WDR73: variants seen among roughly 807,000 people sequenced by gnomAD.
WDR73 encodes integrator complex assembly factor WDR73.
A neutral mutation model predicts 38.2 loss-of-function variants in WDR73; 30 were observed. The observed-to-expected ratio is 0.79, with a 90% CI of 0.59 to 1.06. The LOEUF is 1.06. WDR73 is among the 50% of genes least tolerant of loss of function. WDR73 has a pLI of 0.00. For missense variants in WDR73, 487 were observed against 467.0 expected, an observed-to-expected ratio of 1.04 and a Z score of -0.40; for synonymous variants, 197 against 176.0, an observed-to-expected ratio of 1.12 and a Z score of -0.94.
chr15:84,644,985 C>T (rs191779204), intron 7 of WDR73: 18 of 153,910 alleles, frequency 1.2e-4, no homozygotes, highest in Middle Eastern at 3.5e-3. Context: ...CAGTCTCGCT[C>T]TGTTGCCCAG....
Position 84,639,409 on chromosome 15 carries a change from TAAAA to T in WDR73, c.*4057_*4060del, listed in dbSNP as rs974079582. The T allele has an allele frequency of 6.9e-6, 1 of 145,926 alleles. No homozygotes were observed. Among genetic ancestry groups the T allele is most frequent in the African/African-American group, 2.5e-5 (1 of 39,906 alleles). 9.0% of individuals were successfully genotyped at this position (145,926 alleles called of 1,614,324 possible). The stretch of plus-strand genomic sequence containing the variant: ...GCTTTCCCAAGAATCCCCCCAGAAT[TAAAA>T]AAAAAAAATTACTATCTCCTCTCCC... On this transcript the variant is annotated 3_prime_UTR_variant, in exon 8 of 8. Coordinates refer to ENST00000434634, the MANE Select transcript of WDR73 (RefSeq NM_032856.5).
intron 3 of WDR73, among the ~76,000 whole-genome samples, chr15:84,651,218 C>T (rs891256213): frequency 6.6e-6 from 1 of 151,948 alleles, no homozygotes; most frequent in Non-Finnish European, 1.5e-5. Context: ...TGAAGCCAAG[C>T]GTTCGAGACC....
In WDR73 at chr15:84,642,990, C is replaced by G. The variant is rs932035380; in HGVS notation, c.*480G>C. The G allele has an allele frequency of 6.3e-6, 1 of 159,738 alleles. No homozygotes were observed. Among genetic ancestry groups the G allele is most frequent in the South Asian group, 1.7e-4 (1 of 5,720 alleles). 9.9% of individuals were successfully genotyped at this position (159,738 alleles called of 1,614,324 possible). A position where few individuals can be genotyped will look rare whatever the true frequency, so the allele number is the denominator to read the frequency against. On this transcript the variant is annotated 3_prime_UTR_variant, in exon 8 of 8. Coordinates refer to ENST00000434634, the MANE Select transcript of WDR73 (RefSeq NM_032856.5). ...TCTTGAACCTAGTCACCTGGGGGGACAAGTGTGGGAAAGTGCACCTGTGTT... is the reference window on the plus strand; with the variant it reads ...TCTTGAACCTAGTCACCTGGGGGGAGAAGTGTGGGAAAGTGCACCTGTGTT...
At chr15:84,654,068 T>C (rs1896712642) in intron 1 of WDR73, 166 bp downstream of exon 1, 4 of 890,354 alleles carry the variant, frequency 4.5e-6, no homozygotes, top group African/African-American at 1.7e-5. Context: ...AGCCATTTCC[T>C]AGAGATGGGG....
intron 3 of WDR73, among the ~76,000 whole-genome samples, chr15:84,650,505 C>T (rs750646166): frequency 4.6e-5 from 7 of 152,150 alleles, no homozygotes; most frequent in Non-Finnish European, 7.4e-5. Flanking sequence ...GTACTACAGG[C>T]GCATGCCACC....
At position 84,648,694 on chromosome 15, in the gene WDR73, A is replaced by C. The variant is rs973930265; in HGVS notation, c.199-69T>G. The C allele has an allele frequency of 7.1e-6, 9 of 1,262,002 alleles. No individual in the cohort carries two copies. In the African/African-American group the frequency reaches 7.3e-5, roughly 10 times the overall value. 78.2% of individuals were successfully genotyped at this position (1,262,002 alleles called of 1,614,324 possible). A position where few individuals can be genotyped will look rare whatever the true frequency, so the allele number is the denominator to read the frequency against. On this transcript the variant is annotated intron_variant, in intron 3 of 7. Coordinates refer to ENST00000434634, the MANE Select transcript of WDR73 (RefSeq NM_032856.5). ...GAACATTTCAGAGGAACTCTAAGTG[A>C]GGAGTCAGGTCCTAGCCTGGCAGGA...
Position 84,643,509 on chromosome 15 carries a change from CAG to C in WDR73, c.1096_1097del (p.Leu366AlafsTer23), listed in dbSNP as rs768820873. On this transcript the variant is annotated frameshift_variant, in exon 8 of 8. Transcript: ENST00000434634. LOFTEE classifies it high-confidence loss of function. ...TLLSATNDAS[L>X]HVWDWVDLCA... ...AAAGGTCCACCCAGTCCCACACATG[CAG>C]AGAGGCATCATTTGTTGCTGATAAC... 1.9e-6 allele frequency: 3 copies of C among 1,576,860 alleles called. No homozygotes were observed. The highest frequency in any genetic ancestry group is 1.2e-5 in the South Asian group (1 of 86,246).
In WDR73 at chr15:84,642,310, A is replaced by C. The variant is rs1896283024; in HGVS notation, c.*1160T>G. On this transcript the variant is annotated 3_prime_UTR_variant, in exon 8 of 8. Transcript: ENST00000434634. ...AGCCGAGATCACGCCACTGCACTCAAGCCTGGGTGACAGAGCAAGACTCCA... is the reference window on the plus strand; with the variant it reads ...AGCCGAGATCACGCCACTGCACTCACGCCTGGGTGACAGAGCAAGACTCCA... 1.3e-5 allele frequency: 2 copies of C among 151,242 alleles called. No individual in the cohort carries two copies. 9.4% of individuals were successfully genotyped at this position (151,242 alleles called of 1,614,324 possible).
intron 4 of WDR73, 164 bp from the exon 5 acceptor site, chr15:84,648,118 C>T: frequency 1.5e-6 from 1 of 671,484 alleles, no homozygotes; most frequent in Non-Finnish European, 2.7e-6. Context: ...AAGGAGCAGG[C>T]TCAATCAACT....
chr15:84,646,117 G>A (rs1204180656), intron 6 of WDR73, 67 bp downstream of exon 6: 5 of 1,606,356 alleles, frequency 3.1e-6, no homozygotes, highest in Non-Finnish European at 3.4e-6. Context: ...AGTTTTTATA[G>A]TGGCTGAGTT....
chr15:84,651,786 G>C (rs1241460309), intron 3 of WDR73, among the ~76,000 whole-genome samples: 3 of 152,058 alleles, frequency 2.0e-5, no homozygotes, highest in Non-Finnish European at 4.4e-5. Context: ...CTTTGGGCCT[G>C]ACCACCACCA....
rs761771071 is a variant in WDR73 at position 84,653,632 on chromosome 15, C to T, written c.109G>A (p.Gly37Arg). 2 of 1,587,538 alleles carry T rather than the reference C, an allele frequency of 1.3e-6. No homozygotes were observed. The highest frequency in any genetic ancestry group is 3.6e-5 in the Admixed American group (2 of 56,162). Residue 37 changes from glycine (G) to arginine (R), a missense_variant and splice_region_variant, in exon 2 of 8, where the codon GGA (glycine) becomes AGA (arginine). By Grantham distance (125) the Gly-to-Arg change is moderately radical. Coordinates refer to ENST00000434634, the MANE Select transcript of WDR73 (RefSeq NM_032856.5). ...TRVLEWIDDK[G>R]VFVAGYESLK... The stretch of plus-strand genomic sequence containing the variant: ...CTTCAGGGCTAGAAAGGTATACCAC[C>T]TTTGTCATCAATCCATTCAAGGACT...
At chr15:84,648,379 C>T (rs1459541102) in intron 4 of WDR73, 158 bp downstream of exon 4, 12 of 625,888 alleles carry the variant, frequency 1.9e-5, no homozygotes, top group Non-Finnish European at 3.1e-5. Context: ...TCTTTGTATT[C>T]TAAATCTGTG....
In WDR73 at chr15:84,643,533, T is replaced by C. The variant is rs1219598192; in HGVS notation, c.1074A>G (p.Leu358=). ...GCAGAGAGGCATCATTTGTTGCTGA[T>C]AACAAAGTCCTTGGTCTGCAGGGAT... ...TWHPCRPRTL[L]SATNDASLHV... is the part of the protein sequence containing the mutation. Residue 358 remains leucine (L), a synonymous_variant, in exon 8 of 8, where the codon TTA becomes TTG. Transcript: ENST00000434634. The C allele has an allele frequency of 3.1e-6, 5 of 1,601,990 alleles. No individual in the cohort carries two copies. The South Asian group carries it at 3.4e-5, about 11-fold the overall frequency.
chr15:84,648,697 A>T, intron 3 of WDR73, 72 bp from the exon 4 acceptor site: 1 of 1,236,436 alleles, frequency 8.1e-7, no homozygotes, highest in Non-Finnish European at 1.2e-6. Flanking sequence ...CTAAGTGAGG[A>T]GTCAGGTCCT....
At position 84,648,572 on chromosome 15, in the gene WDR73, C is replaced by T. The variant is rs761580366; in HGVS notation, c.252G>A (p.Arg84=). 5 of 1,613,948 alleles carry T rather than the reference C, an allele frequency of 3.1e-6. No homozygotes were observed. Among genetic ancestry groups the T allele is most frequent in the East Asian group, 2.2e-5 (1 of 44,884 alleles). ...GCACATGCTTTAGATCAAAGATAGA[C>T]CTGTCTGAAAATCCTCCATGGCGCA... ...FKVRHGGFSD[R]SIFDLKHVPH... is the part of the protein sequence containing the mutation. Residue 84 remains arginine, a synonymous_variant, in exon 4 of 8, where the codon AGG becomes AGA. Transcript: ENST00000434634.
chr15:84,648,456 G>A (rs1351592863), intron 4 of WDR73, 81 bp downstream of exon 4: 3 of 960,348 alleles, frequency 3.1e-6, no homozygotes, highest in Admixed American at 1.7e-5. Flanking sequence ...GAATGGAGAT[G>A]AGGAGGCAGA....
intron 7 of WDR73, 90 bp downstream of exon 7, chr15:84,645,381 A>T (rs1896413389): frequency 6.4e-7 from 1 of 1,569,318 alleles, no homozygotes; most frequent in African/African-American, 1.4e-5. Flanking sequence ...AGCCAGGTTT[A>T]TCATGGTGCT....
chr15:84,652,672 TAAATA>T, intron 3 of WDR73, 37 bp downstream of exon 3: 1 of 1,191,382 alleles, frequency 8.4e-7, no homozygotes, highest in Non-Finnish European at 1.2e-6. Flanking sequence ...GTTTAATAAA[TAAATA>T]AAAGTTGACA....
Sources: allele counts gnomAD v4.1 joint callset (sites outside exome capture counted in the v4.1 genomes callset), GRCh38; gene constraint gnomAD v4.1.1; transcripts MANE v1.5; gene names NCBI Gene and HGNC (gene_info 2026-07-23, HGNC 2026-07-21).